The following MAFK variants were observed in gnomAD, a reference collection of about 807,000 sequenced individuals.
MAFK encodes MAF bZIP transcription factor K.
In MAFK, 1 loss-of-function variant was observed where a neutral mutation model predicts 9.2. The ratio of observed to expected loss-of-function variants is 0.11; its 90% CI spans 0.04 to 0.52. MAFK has a LOEUF of 0.52. Among genes scored for constraint, MAFK ranks in the 20% least tolerant of loss-of-function variants. MAFK has a pLI of 0.94. For missense variants in MAFK, 207 were observed against 236.0 expected (o/e 0.88, Z 0.81); for synonymous variants, 110 against 107.4 (o/e 1.02, Z -0.15).
rs999999344 is a variant in MAFK, at chr7:1,540,441, G to C, written c.*66G>C. 7.7e-7 allele frequency: 1 copy of C among 1,296,544 alleles called. No individual in the cohort carries two copies. Among genetic ancestry groups the C allele is most frequent in the Non-Finnish European group, 1.0e-6 (1 of 959,762 alleles). The allele number at this position is 1,296,544 out of a possible 1,614,324, so 80.3% of individuals were successfully genotyped here. Reference sequence around the variant, plus strand: ...GCAGGCGGGTGGGGGCACACCCCTCGTACCTGTCACTGGGATGCAGACTCT... The same window carrying C: ...GCAGGCGGGTGGGGGCACACCCCTCCTACCTGTCACTGGGATGCAGACTCT... On this transcript the variant is annotated 3_prime_UTR_variant, in exon 3 of 3. Coordinates refer to ENST00000343242, the MANE Select transcript of MAFK (RefSeq NM_002360.4).
chr7:1,538,218 T>C (rs913618289), intron 1 of MAFK: 6 of 967,112 alleles, frequency 6.2e-6, no homozygotes, highest in African/African-American at 3.5e-5. Context: ...TTTTCATGAA[T>C]GATTAGAATG....
chr7:1,537,735 CG>C, intron 1 of MAFK: 1 of 981,946 alleles, frequency 1.0e-6, no homozygotes, highest in South Asian at 4.7e-5. Flanking sequence ...TTGTGGGTTG[CG>C]GGGGTGGGGC....
At chr7:1,536,058 G>GA (rs1415163314) in intron 1 of MAFK, among the ~76,000 whole-genome samples, 3 of 152,216 alleles carry the variant, frequency 2.0e-5, no homozygotes, top group Non-Finnish European at 4.4e-5. Context: ...TCTTCCATCC[G>GA]AAAACCAGTT....
Position 1,537,501 on chromosome 7 carries a change from C to T in MAFK, c.-44-1648C>T, listed in dbSNP as rs1431542726. 29 of 985,390 alleles carry T rather than the reference C, an allele frequency of 2.9e-5. No individual in the cohort carries two copies. The Admixed American group carries it at 6.1e-4, about 21-fold the overall frequency. The allele number at this position is 985,390 out of a possible 1,614,324, so 61.0% of individuals were successfully genotyped here. ...AGCCGCCGGCATTTGCAGGTCCCCA[C>T]GGTGGCGGAGGCAGCTGGGCCCCAG... is the stretch of plus-strand genomic sequence containing the variant. On this transcript the variant is annotated intron_variant, in intron 1 of 2. Coordinates refer to ENST00000343242, the MANE Select transcript of MAFK (RefSeq NM_002360.4).
In MAFK at chr7:1,534,752, C is replaced by T. The variant is rs1472202073; in HGVS notation, c.-45+3854C>T. On this transcript the variant is annotated intron_variant, in intron 1 of 2. Coordinates refer to ENST00000343242, the MANE Select transcript of MAFK (RefSeq NM_002360.4). The surrounding 1 kb of genome is among the most constrained non-coding windows in gnomAD (Gnocchi z 4.3). ...CCATCCAGAGCCCCCATGCTGGCCT[C>T]GTAGAGCGAGCGGCAGCCCCGATGC... 13 of 416,238 alleles carry T rather than the reference C, an allele frequency of 3.1e-5. No homozygotes were observed. Among genetic ancestry groups the T allele is most frequent in the East Asian group, 1.5e-4 (2 of 13,706 alleles). 25.8% of individuals were successfully genotyped at this position (416,238 alleles called of 1,614,324 possible).
chr7:1,538,245 C>T (rs762214456), intron 1 of MAFK: 21 of 984,550 alleles, frequency 2.1e-5, no homozygotes, highest in Middle Eastern at 5.2e-4. Context: ...ACAATGCAGA[C>T]GTGAGGACGG....
chr7:1,538,941 A>T, intron 1 of MAFK: 1 of 520,460 alleles, frequency 1.9e-6, no homozygotes, highest in African/African-American at 2.0e-5. Flanking sequence ...CTGAACCCTC[A>T]GGCAGGGACA....
rs1783929438 is a variant in MAFK, at chr7:1,532,578, C to T, written c.-45+1680C>T. Among the ~76,000 whole-genome samples the T allele has an allele frequency of 6.6e-6, 1 of 152,214 alleles. No individual in the cohort carries two copies. Among genetic ancestry groups the T allele is most frequent in the African/African-American group, 2.4e-5 (1 of 41,450 alleles). On this transcript the variant is annotated intron_variant, in intron 1 of 2. Coordinates refer to ENST00000343242, the MANE Select transcript of MAFK (RefSeq NM_002360.4). This position sits in a 1 kb window ranked among gnomAD's most constrained non-coding sequence, Gnocchi z 4.5. ...TCGACTCCCCAGGTGCTGGTAAACC[C>T]GGGAGCCAGCGTTTACCGAGGGTCA...
intron 1 of MAFK, among the ~76,000 whole-genome samples, chr7:1,536,504 C>T (rs1784033572): frequency 6.6e-6 from 1 of 152,180 alleles, no homozygotes; most frequent in Admixed American, 6.5e-5. Flanking sequence ...CGTCTCTGGC[C>T]CTGGGGTGGG....
In MAFK at chr7:1,540,671, A is replaced by G; in HGVS notation, c.*296A>G. On this transcript the variant is annotated 3_prime_UTR_variant, in exon 3 of 3. Coordinates refer to ENST00000343242, the MANE Select transcript of MAFK (RefSeq NM_002360.4). ...GCACCCGTGGGAGTCGGGACATATA[A>G]TGGAAAGGCCCTCGGGAAGTTCCGC... 3 of 404,592 alleles carry G rather than the reference A, an allele frequency of 7.4e-6. No individual in the cohort carries two copies. The highest frequency in any genetic ancestry group is 1.3e-5 in the Non-Finnish European group (3 of 224,746). 25.1% of individuals were successfully genotyped at this position (404,592 alleles called of 1,614,324 possible).
At position 1,538,257 on chromosome 7, in the gene MAFK, G is replaced by T; in HGVS notation, c.-44-892G>T. 4 of 985,112 alleles carry T rather than the reference G, an allele frequency of 4.1e-6. No individual in the cohort carries two copies. In the South Asian group the frequency reaches 1.9e-4, roughly 46 times the overall value. 61.0% of individuals were successfully genotyped at this position (985,112 alleles called of 1,614,324 possible). A position where few individuals can be genotyped will look rare whatever the true frequency, so the allele number is the denominator to read the frequency against. On this transcript the variant is annotated intron_variant, in intron 1 of 2. Coordinates refer to ENST00000343242, the MANE Select transcript of MAFK (RefSeq NM_002360.4). ...GACACAATGCAGACGTGAGGACGGC[G>T]GGGGCGGCGGCGGGGACGACTCCCG...
At chr7:1,538,855 G>A (rs959269581) in intron 1 of MAFK, 1 of 313,440 alleles carries the variant, frequency 3.2e-6, no homozygotes, top group Non-Finnish European at 6.0e-6. Flanking sequence ...GGCCGCACCT[G>A]GCTGCCAGGC....
chr7:1,540,271 C>G lies in MAFK; in HGVS notation c.367C>G (p.Arg123Gly), dbSNP rs755905092. The change falls in exon 3 of 3, where the codon CGG becomes GGG. Residue 123 changes from arginine to glycine, a missense_variant. Transcript: ENST00000343242. ...GCAGACCTTCGCGCGCACCGTGGCC[C>G]GGGGACCTGTGGCGCCCTCCAAGGT... ...ALQTFARTVA[R>G]GPVAPSKVAT... 1 of 1,611,310 alleles carries G rather than the reference C, an allele frequency of 6.2e-7. No individual in the cohort carries two copies.
chr7:1,539,844 G>A (rs3735655), intron 2 of MAFK, 97 bp from the exon 3 acceptor site: 45,723 of 1,083,374 alleles, frequency 0.042, 1,382 homozygotes, highest in Admixed American at 0.15. Flanking sequence ...GAGCGCAGGC[G>A]TGCAGGGGCA....
intron 1 of MAFK, among the ~76,000 whole-genome samples, chr7:1,531,563 GGCCCCAAGGCTC>G (rs1301084555): frequency 1.3e-5 from 2 of 152,208 alleles, no homozygotes; most frequent in Admixed American, 6.5e-5. Flanking sequence ...AGGTGACAGT[GGCCCCAAGGCTC>G]GTCCCTTTGC....
At chr7:1,535,104 T>TTTTTTTTTTG (rs1783997805) in intron 1 of MAFK, among the ~76,000 whole-genome samples, 2 of 147,858 alleles carry the variant, frequency 1.4e-5, no homozygotes, top group South Asian at 2.1e-4. Context: ...TTTTTTTTTG[T>TTTTTTTTTTG]AGAGATGGGG....
In MAFK at chr7:1,540,462, ACT is replaced by A. The variant is rs1784151631; in HGVS notation, c.*91_*92del. 1 of 1,274,422 alleles carries A rather than the reference ACT, an allele frequency of 7.8e-7. No homozygotes were observed. The highest frequency in any genetic ancestry group is 2.6e-5 in the East Asian group (1 of 38,690). 78.9% of individuals were successfully genotyped at this position (1,274,422 alleles called of 1,614,324 possible). The stretch of plus-strand genomic sequence containing the variant: ...CCTCGTACCTGTCACTGGGATGCAG[ACT>A]CTCGACATCCGAGTCCAAGCGCAGG... On this transcript the variant is annotated 3_prime_UTR_variant, in exon 3 of 3. Coordinates refer to ENST00000343242, the MANE Select transcript of MAFK (RefSeq NM_002360.4).
Position 1,540,468 on chromosome 7 carries a change from G to A in MAFK, c.*93G>A, listed in dbSNP as rs955970547. On this transcript the variant is annotated 3_prime_UTR_variant, in exon 3 of 3. Transcript: ENST00000343242. ...ACCTGTCACTGGGATGCAGACTCTCGACATCCGAGTCCAAGCGCAGGCCCC... is the reference window on the plus strand; with the variant it reads ...ACCTGTCACTGGGATGCAGACTCTCAACATCCGAGTCCAAGCGCAGGCCCC... 8.9e-6 allele frequency: 11 copies of A among 1,236,632 alleles called. No homozygotes were observed. Among genetic ancestry groups the A allele is most frequent in the Non-Finnish European group, 1.2e-5 (11 of 910,512 alleles). 76.6% of individuals were successfully genotyped at this position (1,236,632 alleles called of 1,614,324 possible).
In MAFK at chr7:1,534,319, C is replaced by T. The variant is rs1469463651; in HGVS notation, c.-45+3421C>T. On this transcript the variant is annotated intron_variant, in intron 1 of 2. Transcript: ENST00000343242. This position sits in a 1 kb window ranked among gnomAD's most constrained non-coding sequence, Gnocchi z 4.3. ...CGGTTGACACCTGTTTGACAGGCAC[C>T]CACTGGGTACCAGTGCCACAGCGGC... The T allele has an allele frequency of 2.2e-6, 1 of 455,334 alleles. No homozygotes were observed. Among genetic ancestry groups the T allele is most frequent in the South Asian group, 1.5e-5 (1 of 64,552 alleles). The allele number at this position is 455,334 out of a possible 1,614,324, so 28.2% of individuals were successfully genotyped here. A position where few individuals can be genotyped will look rare whatever the true frequency, so the allele number is the denominator to read the frequency against.
Sources: gnomAD v4.1 joint callset for allele counts (sites outside exome capture counted in the v4.1 genomes callset) on GRCh38, gnomAD v4.1.1 for gene constraint, Gnocchi (gnomAD v3.1) non-coding constraint, MANE v1.5 for transcripts, NCBI Gene and HGNC (gene_info 2026-07-23, HGNC 2026-07-21) for gene names.